SYTL2: variants seen among roughly 807,000 people sequenced by gnomAD.
The protein encoded by SYTL2 is synaptotagmin like 2, also known as synaptotagmin-like protein 2.
SYTL2 carries 165 observed loss-of-function variants against 198.7 expected under a neutral mutation model. The ratio of observed to expected loss-of-function variants is 0.83; its 90% confidence interval spans 0.73 to 0.94. The LOEUF (loss-of-function observed/expected upper bound fraction) is 0.94. Among genes scored for constraint, SYTL2 ranks in the 40% least tolerant of loss-of-function variants. The pLI, the probability that SYTL2 is intolerant of heterozygous loss-of-function variation, is 0.00. For missense variants in SYTL2, 2,835 were observed against 2,582.8 expected (o/e 1.10, Z -2.12); for synonymous variants, 966 against 917.7 (o/e 1.05, Z -0.95).
chr11:85,734,139 GTTGA>G lies in SYTL2; in HGVS notation c.1186_1189del (p.Ser396ProfsTer15). ...ACTTTTTGATACATATGGGCTTGAG[GTTGA>G]TTGATGAAAAAGCGAAGGCTTTCTG... On this transcript the variant is annotated frameshift_variant, in exon 7 of 20. Coordinates refer to ENST00000359152, the MANE Select transcript of SYTL2 (RefSeq NM_206927.4). LOFTEE classifies it high-confidence loss of function. 1 of 1,614,216 alleles carries G rather than the reference GTTGA, an allele frequency of 6.2e-7. No individual in the cohort carries two copies. Among genetic ancestry groups the G allele is most frequent in the East Asian group, 2.2e-5 (1 of 44,890 alleles).
At chr11:85,832,928 C>G in the SYTL2 span, among the ~76,000 whole-genome samples, 3 of 148,638 alleles carry the variant, frequency 2.0e-5, no homozygotes, top group Admixed American at 2.0e-4. Context: ...CCCAGGAGGT[C>G]AAGGCTGCAG....
chr11:85,837,174 A>G, the SYTL2 span, among the ~76,000 whole-genome samples: 2 of 152,204 alleles, frequency 1.3e-5, no homozygotes, highest in Non-Finnish European at 2.9e-5. Context: ...CCTCTTAGAG[A>G]CAGAATTGTA....
the SYTL2 span, among the ~76,000 whole-genome samples, chr11:85,843,185 C>A: frequency 6.6e-6 from 1 of 152,022 alleles, no homozygotes; most frequent in African/African-American, 2.4e-5. Context: ...ACCAGCCTGG[C>A]CAACATGGTG....
rs556433761 is a variant in SYTL2 at position 85,724,529 on chromosome 11, T to C, written c.4829A>G (p.His1610Arg). 11 of 1,613,978 alleles carry C rather than the reference T, an allele frequency of 6.8e-6. No homozygotes were observed. In the East Asian group the frequency reaches 1.6e-4, roughly 23 times the overall value. Residue 1610 changes from histidine to arginine, a missense_variant, in exon 8 of 20, where the codon CAT becomes CGT. By Grantham distance (29) the His-to-Arg change is conservative. Transcript: ENST00000359152. ...GGTCTGTGAGGCTGCCCTGTAAAAA[T>C]GGGGCACTGTCCCCAAGAACCTGGT... ...EQTRFLGTVPHFYRAASQTSE... is the reference protein window; with the variant it reads ...EQTRFLGTVPRFYRAASQTSE...
chr11:85,728,939 T>C (rs1367303023), intron 7 of SYTL2, among the ~76,000 whole-genome samples: 1 of 152,212 alleles, frequency 6.6e-6, no homozygotes, highest in African/African-American at 2.4e-5. Flanking sequence ...TTGTTCTGCA[T>C]ACTGGGGTTT....
At chr11:85,731,297 C>T (rs2089796733) in intron 7 of SYTL2, among the ~76,000 whole-genome samples, 1 of 152,108 alleles carries the variant, frequency 6.6e-6, no homozygotes, top group Non-Finnish European at 1.5e-5. Flanking sequence ...GCAAAAAGAA[C>T]AAAGCTGGAG....
At chr11:85,776,333 A>G (rs957589320) in intron 1 of SYTL2, among the ~76,000 whole-genome samples, 13 of 152,160 alleles carry the variant, frequency 8.5e-5, no homozygotes, top group Admixed American at 5.9e-4. Context: ...TACACATGCC[A>G]TGGTTTGCTG....
chr11:85,720,213 A>G (rs2088082115), intron 9 of SYTL2, among the ~76,000 whole-genome samples: 1 of 152,230 alleles, frequency 6.6e-6, no homozygotes, highest in African/African-American at 2.4e-5. Context: ...TGAACAGAAT[A>G]GAAGGGATAA....
Position 85,725,054 on chromosome 11 carries a change from G to A in SYTL2, c.4304C>T (p.Ser1435Phe), listed in dbSNP as rs2088931770. The A allele has an allele frequency of 6.2e-7, 1 of 1,614,042 alleles. No homozygotes were observed. The highest frequency in any genetic ancestry group is 1.3e-5 in the African/African-American group (1 of 74,926). Residue 1435 changes from serine to phenylalanine, a missense_variant, in exon 8 of 20, where the codon TCC (serine) becomes TTC (phenylalanine). Coordinates refer to ENST00000359152, the MANE Select transcript of SYTL2 (RefSeq NM_206927.4). ...AGTTTTATCAGGAACTACATTGGAGGAATAAAAATCCTTCCTGTCTGGAAC... is the reference window on the plus strand; with the variant it reads ...AGTTTTATCAGGAACTACATTGGAGAAATAAAAATCCTTCCTGTCTGGAAC... ...TIVPDRKDFY[S>F]SNVVPDKTHE... is the part of the protein sequence containing the mutation.
intron 4 of SYTL2, among the ~76,000 whole-genome samples, chr11:85,743,882 C>G (rs1231768262): frequency 6.6e-6 from 1 of 152,068 alleles, no homozygotes; most frequent in Non-Finnish European, 1.5e-5. Context: ...CCTTCTGTGG[C>G]ACCTGCTCCC....
In SYTL2 at chr11:85,728,108, G is replaced by A. The variant is rs1028065968; in HGVS notation, c.1391-141C>T. On this transcript the variant is annotated intron_variant, in intron 7 of 19. Transcript: ENST00000359152. Reference sequence around the variant, plus strand: ...CTGTTTATACCAGCATTTTTCAGGGGTTAAAATGTAAGTTGTCCTAATTAA... The same window carrying A: ...CTGTTTATACCAGCATTTTTCAGGGATTAAAATGTAAGTTGTCCTAATTAA... 50 of 711,714 alleles carry A rather than the reference G, an allele frequency of 7.0e-5. No homozygotes were observed. In the African/African-American group the frequency reaches 7.3e-4, roughly 10 times the overall value. The allele number at this position is 711,714 out of a possible 1,614,324, so 44.1% of individuals were successfully genotyped here.
At chr11:85,835,745 G>A in the SYTL2 span, among the ~76,000 whole-genome samples, 2 of 152,112 alleles carry the variant, frequency 1.3e-5, no homozygotes, top group Non-Finnish European at 2.9e-5. Flanking sequence ...CTGCTTTCTT[G>A]TATTGGAGGC....
At chr11:85,771,545 G>T (rs972593438) in intron 1 of SYTL2, among the ~76,000 whole-genome samples, 11 of 152,202 alleles carry the variant, frequency 7.2e-5, no homozygotes, top group African/African-American at 2.7e-4. Flanking sequence ...ACCCCATGCT[G>T]TGGATTCTCC....
rs1191740085 is a variant in SYTL2, at chr11:85,726,803, G to A, written c.2555C>T (p.Ala852Val). Residue 852 changes from alanine (A) to valine (V), a missense_variant, in exon 8 of 20, where the codon GCC (alanine) becomes GTC (valine). Around this residue, in one of 3 missense-constraint regions of SYTL2, gnomAD observed 2,645 missense variants for 2,381.7 expected, o/e 1.11. Coordinates refer to ENST00000359152, the MANE Select transcript of SYTL2 (RefSeq NM_206927.4). Reference sequence around the variant, plus strand: ...ATCTAAGACCACTCGTTTGGGAATGGCCTGATTATATTCACTCTGGTCTGT... The same window carrying A: ...ATCTAAGACCACTCGTTTGGGAATGACCTGATTATATTCACTCTGGTCTGT... ...LSTDQSEYNQ[A>V]IPKRVVLDED... The A allele has an allele frequency of 1.2e-5, 19 of 1,536,200 alleles. No individual in the cohort carries two copies. Among genetic ancestry groups the A allele is most frequent in the Non-Finnish European group, 1.7e-5 (19 of 1,146,870 alleles).
At chr11:85,845,280 A>C in the SYTL2 span, among the ~76,000 whole-genome samples, 2 of 152,200 alleles carry the variant, frequency 1.3e-5, no homozygotes, top group Admixed American at 6.5e-5. Flanking sequence ...GCAGAGATAG[A>C]ATCTGTCCAA....
In SYTL2 at chr11:85,748,303, T is replaced by G; in HGVS notation, c.222A>C (p.Ala74=). 1 of 1,613,886 alleles carries G rather than the reference T, an allele frequency of 6.2e-7. No individual in the cohort carries two copies. Among genetic ancestry groups the G allele is most frequent in the Non-Finnish European group, 8.5e-7 (1 of 1,179,820 alleles). ...TCTGGGGCCTCTTCTTTCTCATAGA[T>G]GCTCTGATGATATCTGCGCCATGGA... ...DKIHGADIIR[A]SMRKKRPQIA... Residue 74 remains alanine (A), a synonymous_variant, in exon 3 of 20, where the codon GCA becomes GCC. Transcript: ENST00000359152.
chr11:85,789,354 A>ATATATATATATATATATATG (rs2092691733), intron 1 of SYTL2, among the ~76,000 whole-genome samples: 2 of 57,246 alleles, frequency 3.5e-5, no homozygotes, highest in African/African-American at 7.4e-5. Flanking sequence ...ATATATATAT[A>ATATATATATATATATATATG]TATATATATA....
chr11:85,818,086 A>T, the SYTL2 span, among the ~76,000 whole-genome samples: 2 of 151,872 alleles, frequency 1.3e-5, no homozygotes, highest in Non-Finnish European at 2.9e-5. Context: ...TAGTTTTAGT[A>T]GAGACAGGGT....
In SYTL2 at chr11:85,695,217, A is replaced by T. The variant is rs2083245520; in HGVS notation, c.6698T>A (p.Leu2233Ter). Residue 2233 changes from leucine to a stop codon, truncating the protein, a stop_gained, in exon 20 of 20, where the codon TTG becomes TAG. Transcript: ENST00000359152. LOFTEE classifies it high-confidence loss of function. ...GGCTCATTTGGAAATCTTGGCAATC[A>T]AAAGCATTCTGAGAGGCAGTGTTGC... ...IEATLPLRML[L>*]IAKISK 6.2e-7 allele frequency: 1 copy of T among 1,612,286 alleles called. No individual in the cohort carries two copies. The highest frequency in any genetic ancestry group is 1.3e-5 in the African/African-American group (1 of 74,874).
Sources: gnomAD v4.1 joint callset for allele counts (sites outside exome capture counted in the v4.1 genomes callset) on GRCh38, gnomAD v4.1.1 for gene constraint, gnomAD v4.1.1 regional missense constraint, MANE v1.5 for transcripts, NCBI Gene and HGNC (gene_info 2026-07-23, HGNC 2026-07-21) for gene names.